Variants in COG5 observed in about 807,000 individuals in gnomAD.
COG5 encodes the protein conserved oligomeric Golgi complex subunit 5.
In COG5, 86 loss-of-function variants were observed where a neutral mutation model predicts 110.4. That is an observed-to-expected ratio of 0.78 (90% confidence interval 0.65 to 0.93). The LOEUF (loss-of-function observed/expected upper bound fraction) is 0.93. COG5 is among the 40% of genes least tolerant of loss of function. The pLI is 0.00. For synonymous variants in COG5, 360 were observed against 334.6 expected (o/e 1.08, Z -0.83); for missense variants, 1,077 against 987.0 (o/e 1.09, Z -1.22).
intron 7 of COG5, among the ~76,000 whole-genome samples, chr7:107,394,184 CGATCTCCTGACCTTGT>C (rs1353098356): frequency 6.6e-6 from 1 of 151,162 alleles, no homozygotes; most frequent in East Asian, 2.0e-4. Flanking sequence ...AGCATGGTGT[CGATCTCCTGACCTTGT>C]GATCCGCCTG....
chr7:107,408,583 G>A (rs893359729), intron 7 of COG5, among the ~76,000 whole-genome samples: 2 of 152,190 alleles, frequency 1.3e-5, no homozygotes, highest in Non-Finnish European at 2.9e-5. Context: ...GAACTTGTTT[G>A]ACATTTAGAT....
chr7:107,246,613 T>C (rs1052575785), intron 17 of COG5, among the ~76,000 whole-genome samples: 2 of 152,006 alleles, frequency 1.3e-5, no homozygotes, highest in Non-Finnish European at 2.9e-5. Flanking sequence ...AGCAATCACA[T>C]GAAAAAATGC....
chr7:107,365,609 A>G, intron 8 of COG5, among the ~76,000 whole-genome samples: 1 of 149,902 alleles, frequency 6.7e-6, no homozygotes, highest in African/African-American at 2.5e-5. Context: ...AAAAAAAAAA[A>G]AAAAAAAAAA....
rs540420108 is a variant in COG5 at position 107,414,180 on chromosome 7, T to C, written c.539-1548A>G. 2.0e-5 allele frequency among the ~76,000 whole-genome samples: 3 copies of C among 152,328 alleles called. No individual in the cohort carries two copies. In the East Asian group the frequency reaches 5.8e-4, roughly 29 times the overall value. ...ATAACTAGTTTAACTTTTAAAAATA[T>C]GTAAATGTTTAAAAATATATATAAT... On this transcript the variant is annotated intron_variant, in intron 6 of 21. Coordinates refer to ENST00000297135, the MANE Select transcript of COG5 (RefSeq NM_006348.5).
intron 6 of COG5, among the ~76,000 whole-genome samples, chr7:107,515,712 C>A (rs1461195625): frequency 2.0e-5 from 3 of 152,188 alleles, no homozygotes; most frequent in African/African-American, 7.2e-5. Flanking sequence ...TACAAATCAT[C>A]CTTCTTTTAC....
chr7:107,356,431 G>A (rs546905514), intron 10 of COG5, among the ~76,000 whole-genome samples: 1 of 152,248 alleles, frequency 6.6e-6, no homozygotes, highest in East Asian at 1.9e-4. Context: ...CAAGTGTGGT[G>A]GTGCAAACCT....
At chr7:107,513,306 A>G (rs1799676539) in intron 6 of COG5, among the ~76,000 whole-genome samples, 1 of 152,252 alleles carries the variant, frequency 6.6e-6, no homozygotes, top group South Asian at 2.1e-4. Flanking sequence ...AATGCTCATC[A>G]TCACTGGCCA....
intron 21 of COG5, chr7:107,210,177 A>G: frequency 8.9e-7 from 1 of 1,119,996 alleles, no homozygotes; most frequent in Non-Finnish European, 1.1e-6. Flanking sequence ...CCAATTCAGT[A>G]ACTGCAGCAC....
chr7:107,447,587 T>C (rs1294611982), intron 6 of COG5, among the ~76,000 whole-genome samples: 3 of 152,210 alleles, frequency 2.0e-5, no homozygotes, highest in South Asian at 2.1e-4. Context: ...ACACACATAC[T>C]TGACAAGGTA....
At chr7:107,384,499 G>A (rs1815401519) in intron 7 of COG5, among the ~76,000 whole-genome samples, 1 of 152,140 alleles carries the variant, frequency 6.6e-6, no homozygotes, top group Non-Finnish European at 1.5e-5. Flanking sequence ...CTCTGGCTTT[G>A]CGAGAGGCCC....
intron 11 of COG5, among the ~76,000 whole-genome samples, chr7:107,299,191 A>AT (rs1807027021): frequency 6.6e-6 from 1 of 152,146 alleles, no homozygotes; most frequent in Non-Finnish European, 1.5e-5. Flanking sequence ...CTGAGAACAG[A>AT]TATCAATGAA....
intron 6 of COG5, among the ~76,000 whole-genome samples, chr7:107,466,569 A>G (rs1796308879): frequency 1.3e-5 from 2 of 152,220 alleles, no homozygotes; most frequent in South Asian, 4.1e-4. Flanking sequence ...ATAGAAAATG[A>G]ATCACCAATG....
chr7:107,388,742 G>A (rs1380727219), intron 7 of COG5, among the ~76,000 whole-genome samples: 1 of 152,164 alleles, frequency 6.6e-6, no homozygotes, highest in African/African-American at 2.4e-5. Flanking sequence ...TACTAATGCG[G>A]GGAAGAGGAC....
intron 5 of COG5, among the ~76,000 whole-genome samples, chr7:107,543,937 C>T (rs1448560519): frequency 1.3e-5 from 2 of 152,076 alleles, no homozygotes; most frequent in Non-Finnish European, 2.9e-5. Flanking sequence ...GCCAGGCCTG[C>T]CCCCAAGACC....
At chr7:107,529,058 T>C (rs1800988227) in intron 5 of COG5, among the ~76,000 whole-genome samples, 1 of 129,054 alleles carries the variant, frequency 7.7e-6, no homozygotes, top group African/African-American at 3.2e-5. Flanking sequence ...AAAGGAAAAT[T>C]TTTCCCATGG....
chr7:107,400,562 A>G (rs1791350224), intron 7 of COG5, among the ~76,000 whole-genome samples: 1 of 152,192 alleles, frequency 6.6e-6, no homozygotes, highest in South Asian at 2.1e-4. Context: ...TTAATCAAAG[A>G]GCAGTAACAG....
chr7:107,258,412 G>T (rs753231020), intron 14 of COG5, 29 bp from the exon 15 acceptor site: 2 of 1,264,478 alleles, frequency 1.6e-6, no homozygotes, highest in South Asian at 1.2e-5. Context: ...AAAAGAATGT[G>T]TCAGAATGAT....
intron 12 of COG5, among the ~76,000 whole-genome samples, chr7:107,285,768 CTG>C (rs1046680782): frequency 2.4e-4 from 36 of 151,128 alleles, no homozygotes; most frequent in Middle Eastern, 3.4e-3. Flanking sequence ...ACTCAGGAGA[CTG>C]AGAGAGAATT....
At chr7:107,354,157 A>C (rs1035727122) in intron 10 of COG5, among the ~76,000 whole-genome samples, 4 of 152,232 alleles carry the variant, frequency 2.6e-5, no homozygotes, top group Admixed American at 2.0e-4. Context: ...CACTTTAGTA[A>C]AGTGAGACAT....
Sources: gnomAD v4.1 joint callset for allele counts (sites outside exome capture counted in the v4.1 genomes callset) on GRCh38, gnomAD v4.1.1 for gene constraint, MANE v1.5 for transcripts, NCBI Gene and HGNC (gene_info 2026-07-23, HGNC 2026-07-21) for gene names.